Variants in YAP1 observed in about 807,000 individuals in gnomAD.
YAP1 encodes the protein transcriptional coactivator YAP1.
A neutral mutation model predicts 56.9 loss-of-function variants in YAP1; 5 were observed. The ratio of observed to expected loss-of-function variants is 0.09; its 90% confidence interval spans 0.05 to 0.18. The LOEUF is 0.18. YAP1 is among the 10% of genes least tolerant of loss of function. The pLI, the probability that YAP1 is intolerant of heterozygous loss-of-function variation, is 1.00. For synonymous variants in YAP1, 265 were observed against 248.1 expected (o/e 1.07, Z -0.64); for missense variants, 539 against 651.8 (o/e 0.83, Z 1.88).
chr11:102,122,246 G>A (rs937834131), intron 2 of YAP1, among the ~76,000 whole-genome samples: 1 of 142,142 alleles, frequency 7.0e-6, no homozygotes, highest in Admixed American at 7.0e-5. Flanking sequence ...AGTGAAAACC[G>A]ATCTCTACTA....
intron 4 of YAP1, among the ~76,000 whole-genome samples, chr11:102,188,628 A>G (rs1948113312): frequency 6.9e-6 from 1 of 144,308 alleles, no homozygotes; most frequent in Admixed American, 7.2e-5. Flanking sequence ...AGTTGCCTAC[A>G]GTGTTCAGCA....
At chr11:102,201,828 AC>A (rs1252947065) in intron 4 of YAP1, among the ~76,000 whole-genome samples, 4 of 152,098 alleles carry the variant, frequency 2.6e-5, no homozygotes, top group Admixed American at 6.6e-5. Context: ...AATAATAGGT[AC>A]CCCCTAGTAC....
intron 1 of YAP1, among the ~76,000 whole-genome samples, chr11:102,113,063 C>T (rs759667071): frequency 6.7e-4 from 102 of 152,218 alleles, no homozygotes; most frequent in Non-Finnish European, 1.3e-3. Flanking sequence ...CTAATGATTT[C>T]CTAAATCATA....
At chr11:102,170,377 T>G (rs1946834843) in intron 3 of YAP1, among the ~76,000 whole-genome samples, 1 of 152,348 alleles carries the variant, frequency 6.6e-6, no homozygotes, top group Admixed American at 6.5e-5. Context: ...TATTTCAGTT[T>G]GAGTATCATG....
intron 4 of YAP1, among the ~76,000 whole-genome samples, chr11:102,203,541 C>T (rs552327591): frequency 1.4e-4 from 22 of 151,922 alleles, no homozygotes; most frequent in East Asian, 9.6e-4. Context: ...AAATAATTGG[C>T]GCTGAAAAGT....
chr11:102,112,250 C>T (rs1158403747), intron 1 of YAP1, among the ~76,000 whole-genome samples: 1 of 152,128 alleles, frequency 6.6e-6, no homozygotes, highest in African/African-American at 2.4e-5. Context: ...CTTTTTAATT[C>T]TTATTGCGGA....
chr11:102,222,397 A>G (rs1373639864), intron 6 of YAP1, among the ~76,000 whole-genome samples: 2 of 152,220 alleles, frequency 1.3e-5, no homozygotes, highest in Admixed American at 1.3e-4. Context: ...CAGTGAACAG[A>G]TAAAGGAGAG....
intron 1 of YAP1, among the ~76,000 whole-genome samples, chr11:102,112,075 T>G (rs1026831431): frequency 1.3e-5 from 2 of 152,212 alleles, no homozygotes; most frequent in African/African-American, 4.8e-5. Flanking sequence ...ATTAGCCACA[T>G]CTGTACGTTG....
chr11:102,161,077 T>C (rs954387564), intron 2 of YAP1, among the ~76,000 whole-genome samples: 8 of 144,530 alleles, frequency 5.5e-5, no homozygotes, highest in African/African-American at 1.6e-4. Flanking sequence ...TTTTTTTTTT[T>C]TGAGATGGAA....
rs147521252 is a variant in YAP1 at position 102,194,260 on chromosome 11, G to A, written c.802+8129G>A. On this transcript the variant is annotated intron_variant, in intron 4 of 8. Coordinates refer to ENST00000282441, the MANE Select transcript of YAP1 (RefSeq NM_001130145.3). ...AAGATTCAGATGTAAGAAAAAGAAA[G>A]AGATTATAGAATTATTGGAAAGGTC... Among the ~76,000 whole-genome samples the A allele has an allele frequency of 5.1e-4, 78 of 152,326 alleles. 1 individual carries two copies. In the East Asian group the frequency reaches 0.015, roughly 29 times the overall value.
intron 2 of YAP1, among the ~76,000 whole-genome samples, chr11:102,135,323 C>T (rs72972181): frequency 1.3e-5 from 2 of 152,254 alleles, no homozygotes; most frequent in Non-Finnish European, 1.5e-5. Flanking sequence ...TTGTATCTTA[C>T]AAATTTGTGA....
intron 3 of YAP1, among the ~76,000 whole-genome samples, chr11:102,183,288 A>G (rs1947739653): frequency 6.6e-6 from 1 of 152,206 alleles, no homozygotes; most frequent in East Asian, 1.9e-4. Flanking sequence ...TTTTATGGAA[A>G]GTTGGTGGGA....
intron 2 of YAP1, among the ~76,000 whole-genome samples, chr11:102,156,059 G>T (rs1388884170): frequency 6.6e-6 from 1 of 151,888 alleles, no homozygotes; most frequent in African/African-American, 2.4e-5. Flanking sequence ...TTTATTCTGT[G>T]CCTAGACTGA....
chr11:102,191,014 A>C (rs527905078), intron 4 of YAP1, among the ~76,000 whole-genome samples: 133 of 152,118 alleles, frequency 8.7e-4, no homozygotes, highest in African/African-American at 3.0e-3. Context: ...TCTCTGCTAA[A>C]AATACAAAAA....
chr11:102,181,174 G>A (rs975125946), intron 3 of YAP1, among the ~76,000 whole-genome samples: 7 of 151,744 alleles, frequency 4.6e-5, no homozygotes, highest in African/African-American at 1.7e-4. Context: ...GGCCAGGCTC[G>A]GTGGCTCACG....
chr11:102,202,378 A>AC (rs1245817164), intron 4 of YAP1, among the ~76,000 whole-genome samples: 1 of 139,604 alleles, frequency 7.2e-6, no homozygotes, highest in East Asian at 2.1e-4. Context: ...ATGGGGTTTC[A>AC]CCATGTTAGC....
intron 2 of YAP1, among the ~76,000 whole-genome samples, chr11:102,149,814 C>T (rs1195728840): frequency 1.3e-5 from 2 of 151,944 alleles, no homozygotes; most frequent in Non-Finnish European, 2.9e-5. Flanking sequence ...ACTGGATCTC[C>T]CTTATTCTGT....
At chr11:102,159,272 T>G (rs1440950734) in intron 2 of YAP1, among the ~76,000 whole-genome samples, 2 of 152,164 alleles carry the variant, frequency 1.3e-5, no homozygotes, top group Non-Finnish European at 2.9e-5. Flanking sequence ...AGCCAGCAGG[T>G]ACCCAGGGCG....
chr11:102,164,871 C>T (rs931660382), intron 3 of YAP1, among the ~76,000 whole-genome samples: 6 of 152,058 alleles, frequency 3.9e-5, no homozygotes, highest in Non-Finnish European at 4.4e-5. Flanking sequence ...TATAGGAATG[C>T]GCCACCACGC....
Sources: gnomAD v4.1 joint callset for allele counts (sites outside exome capture counted in the v4.1 genomes callset) on GRCh38, gnomAD v4.1.1 for gene constraint, MANE v1.5 for transcripts, NCBI Gene and HGNC (gene_info 2026-07-23, HGNC 2026-07-21) for gene names.